Variants in C10orf143 observed in about 807,000 individuals in gnomAD.
C10orf143 encodes the protein uncharacterized protein C10orf143.
At chr10:130,044,577 G>T (rs1860644662) in intron 3 of C10orf143, among the ~76,000 whole-genome samples, 1 of 152,210 alleles carries the variant, frequency 6.6e-6, no homozygotes, top group South Asian at 2.1e-4. Context: ...GCTCGGAAAG[G>T]CATCACGCTG....
chr10:130,059,916 G>T (rs555280455), downstream of C10orf143, among the ~76,000 whole-genome samples: 14 of 152,274 alleles, frequency 9.2e-5, no homozygotes, highest in African/African-American at 3.4e-4. Flanking sequence ...ATGATATAAG[G>T]AATTACTGTA....
At chr10:130,038,607 G>A (rs1188375150) in intron 3 of C10orf143, among the ~76,000 whole-genome samples, 1 of 152,184 alleles carries the variant, frequency 6.6e-6, no homozygotes, top group Admixed American at 6.5e-5. Flanking sequence ...AATGATGGAT[G>A]TAAAGGGACT....
chr10:130,039,471 C>A (rs1172090151), intron 3 of C10orf143, among the ~76,000 whole-genome samples: 1 of 152,104 alleles, frequency 6.6e-6, no homozygotes, highest in African/African-American at 2.4e-5. Flanking sequence ...GCAGAGAGAG[C>A]AAACGTGCCC....
chr10:130,079,011 T>C (rs1169511334), intron 3 of C10orf143, among the ~76,000 whole-genome samples: 2 of 152,202 alleles, frequency 1.3e-5, no homozygotes, highest in African/African-American at 4.8e-5. Context: ...TCAAAATTAA[T>C]AACAAAGGTA....
intron 3 of C10orf143, among the ~76,000 whole-genome samples, chr10:130,053,603 G>A (rs1261687870): frequency 6.6e-6 from 1 of 152,180 alleles, no homozygotes; most frequent in Non-Finnish European, 1.5e-5. Context: ...TTGCTGTTGG[G>A]CGTGAGACTC....
intron 3 of C10orf143, among the ~76,000 whole-genome samples, chr10:130,068,857 G>A (rs1306916004): frequency 6.7e-6 from 1 of 150,076 alleles, no homozygotes; most frequent in Non-Finnish European, 1.5e-5. Context: ...TGAGGAACAG[G>A]AAAAAAAAAG....
rs1285555178 is a variant in C10orf143 at position 130,065,198 on chromosome 10, G to A, written c.298-815C>T. 6.6e-6 allele frequency: 1 copy of A among 152,306 alleles called. No homozygotes were observed. The highest frequency in any genetic ancestry group is 1.5e-5 in the Non-Finnish European group (1 of 68,120). The allele number at this position is 152,306 out of a possible 1,614,324, so 9.4% of individuals were successfully genotyped here. ...GGCAGGGGCTGCCCTGACCCACAGGGACCAGACAGGAGAGACTCTGAACTT... is the reference window on the plus strand; with the variant it reads ...GGCAGGGGCTGCCCTGACCCACAGGAACCAGACAGGAGAGACTCTGAACTT... On this transcript the variant is annotated intron_variant, in intron 3 of 3. Transcript: ENST00000637128. This position sits in a 1 kb window ranked among gnomAD's most constrained non-coding sequence, Gnocchi z 4.2.
At chr10:130,053,580 C>T (rs889235305) in intron 3 of C10orf143, among the ~76,000 whole-genome samples, 4 of 152,142 alleles carry the variant, frequency 2.6e-5, no homozygotes, top group Admixed American at 6.5e-5. Flanking sequence ...ATATTTCCAC[C>T]GGTGTCAGGA....
At chr10:130,041,043 TGG>T (rs1860601636) in intron 3 of C10orf143, among the ~76,000 whole-genome samples, 1 of 151,930 alleles carries the variant, frequency 6.6e-6, no homozygotes, top group Non-Finnish European at 1.5e-5. Context: ...GACAGGTGGG[TGG>T]GAGGGGCTGC....
At chr10:130,086,837 T>C (rs1033363382) in intron 1 of C10orf143, among the ~76,000 whole-genome samples, 2 of 152,258 alleles carry the variant, frequency 1.3e-5, no homozygotes, top group African/African-American at 2.4e-5. Context: ...GGATGAAATT[T>C]ACAACACTTA....
At chr10:130,048,783 A>G (rs982611882) in intron 3 of C10orf143, among the ~76,000 whole-genome samples, 2 of 152,042 alleles carry the variant, frequency 1.3e-5, no homozygotes, top group Non-Finnish European at 2.9e-5. Flanking sequence ...GCTCACTGTC[A>G]TCTTGAACTC....
At chr10:130,053,701 G>A (rs538126884) in intron 3 of C10orf143, among the ~76,000 whole-genome samples, 35 of 152,214 alleles carry the variant, frequency 2.3e-4, no homozygotes, top group Non-Finnish European at 4.6e-4. Context: ...TTTGGACAAG[G>A]GATCCCGAGT....
intron 1 of C10orf143, 136 bp downstream of exon 1, chr10:130,110,568 C>T (rs1322924911): frequency 7.6e-6 from 3 of 397,042 alleles, no homozygotes; most frequent in African/African-American, 2.1e-5. Flanking sequence ...CTCCCAGGGA[C>T]GTACGCGAGC....
At chr10:130,109,995 C>T (rs1010525704) in intron 1 of C10orf143, among the ~76,000 whole-genome samples, 1 of 152,098 alleles carries the variant, frequency 6.6e-6, no homozygotes, top group Non-Finnish European at 1.5e-5. Flanking sequence ...GCAGCTCTGT[C>T]TTCCAGCTCC....
intron 1 of C10orf143, among the ~76,000 whole-genome samples, chr10:130,081,918 G>C (rs1171747): frequency 0.55 from 81,068 of 147,370 alleles, 24,466 homozygotes; most frequent in Admixed American, 0.69. Flanking sequence ...CTATTTTATA[G>C]AGTTATACTA....
At chr10:130,064,524 C>G (rs1366780843) in intron 3 of C10orf143, 141 bp from the exon 4 acceptor site, 1 of 381,708 alleles carries the variant, frequency 2.6e-6, no homozygotes, top group Non-Finnish European at 4.6e-6. Flanking sequence ...CCTGAGGTAT[C>G]TGTTTATAGA....
At chr10:130,085,430 T>C (rs539466886) in intron 1 of C10orf143, among the ~76,000 whole-genome samples, 3 of 152,246 alleles carry the variant, frequency 2.0e-5, no homozygotes, top group African/African-American at 7.2e-5. Context: ...ACCCTGACTC[T>C]AATCATAAGA....
chr10:130,072,603 T>A (rs1861051118), intron 3 of C10orf143, among the ~76,000 whole-genome samples: 1 of 152,226 alleles, frequency 6.6e-6, no homozygotes, highest in Non-Finnish European at 1.5e-5. Context: ...CCAATTTTTT[T>A]TCAAACTGTC....
intron 1 of C10orf143, among the ~76,000 whole-genome samples, chr10:130,102,291 AT>A (rs1211891833): frequency 2.0e-5 from 3 of 150,874 alleles, no homozygotes; most frequent in Non-Finnish European, 4.4e-5. Context: ...TATTATTTTT[AT>A]TTTTTTTTGA....
Sources: allele counts gnomAD v4.1 joint callset (sites outside exome capture counted in the v4.1 genomes callset), GRCh38; gene constraint gnomAD v4.1.1; non-coding constraint Gnocchi (gnomAD v3.1); transcripts MANE v1.5; gene names NCBI Gene and HGNC (gene_info 2026-07-23, HGNC 2026-07-21).